The following WWOX variants were observed in gnomAD, a reference collection of about 807,000 sequenced individuals.
WWOX encodes the protein WW domain containing oxidoreductase, also known as WW domain-containing oxidoreductase.
Under a neutral mutation model 46.2 loss-of-function variants are expected in WWOX, and 69 were observed. That is an observed-to-expected ratio of 1.49 (90% CI 1.23 to 1.82). WWOX has a LOEUF of 1.82. Ranked by LOEUF, WWOX falls within the 40% of genes most tolerant of loss-of-function variation. The probability of loss-of-function intolerance (pLI) is 0.00; values close to 1 mark genes in which losing one functional copy is unlikely to be tolerated. For synonymous variants in WWOX, 359 were observed against 202.6 expected (o/e 1.77, Z -6.56); for missense variants, 919 against 542.6 (o/e 1.69, Z -6.89).
chr16:78,430,179 T>G (rs1210105021), intron 7 of WWOX, among the ~76,000 whole-genome samples: 1 of 152,078 alleles, frequency 6.6e-6, no homozygotes, highest in African/African-American at 2.4e-5. Flanking sequence ...GCAGGGGAAT[T>G]CTCATTTATA....
chr16:78,929,517 G>A (rs1368328931), intron 8 of WWOX, among the ~76,000 whole-genome samples: 1 of 152,078 alleles, frequency 6.6e-6, no homozygotes, highest in African/African-American at 2.4e-5. Context: ...CACCGTATCC[G>A]AGTGGGATCT....
intron 8 of WWOX, among the ~76,000 whole-genome samples, chr16:79,074,677 A>G (rs77406250): frequency 0.017 from 2,599 of 152,082 alleles, 26 homozygotes; most frequent in Non-Finnish European, 0.026. Context: ...AATCTGAGAT[A>G]TAGTAAGTTG....
chr16:78,637,574 C>A (rs1002937445), intron 8 of WWOX, among the ~76,000 whole-genome samples: 1 of 152,224 alleles, frequency 6.6e-6, no homozygotes, highest in African/African-American at 2.4e-5. Context: ...TTGGAACCTT[C>A]TACTACATCC....
At chr16:78,473,678 C>A (rs913578783) in intron 8 of WWOX, among the ~76,000 whole-genome samples, 1 of 152,034 alleles carries the variant, frequency 6.6e-6, no homozygotes. Context: ...TTGGAATTGT[C>A]TTAAACAAGT....
At chr16:78,656,761 A>T (rs2047090305) in intron 8 of WWOX, among the ~76,000 whole-genome samples, 1 of 152,156 alleles carries the variant, frequency 6.6e-6, no homozygotes. Flanking sequence ...TCTCCTTACA[A>T]GGGGTTCCTT....
At chr16:78,467,072 G>A (rs1045011439) in intron 8 of WWOX, among the ~76,000 whole-genome samples, 1 of 152,130 alleles carries the variant, frequency 6.6e-6, no homozygotes, top group East Asian at 1.9e-4. Context: ...GTGTTTGCCT[G>A]TGTTATTAAT....
At chr16:78,167,875 C>G (rs2035024486) in intron 5 of WWOX, 1 of 152,128 alleles carries the variant, frequency 6.6e-6, no homozygotes, top group South Asian at 2.1e-4. Context: ...CCTTCCTCAC[C>G]TCACATCTCT....
chr16:78,720,255 C>G (rs778741290), intron 8 of WWOX, among the ~76,000 whole-genome samples: 1 of 151,240 alleles, frequency 6.6e-6, no homozygotes, highest in African/African-American at 2.5e-5. Flanking sequence ...AGATTATGTG[C>G]GCGTGTGTGA....
At chr16:78,670,620 A>G (rs1316520114) in intron 8 of WWOX, among the ~76,000 whole-genome samples, 3 of 152,090 alleles carry the variant, frequency 2.0e-5, no homozygotes, top group African/African-American at 4.8e-5. Context: ...ATTCGTGTCT[A>G]TCTGGAACCT....
chr16:78,869,306 A>C (rs1165254923), intron 8 of WWOX, among the ~76,000 whole-genome samples: 1 of 152,146 alleles, frequency 6.6e-6, no homozygotes, highest in Non-Finnish European at 1.5e-5. Context: ...AAAGTCCGAG[A>C]GTTGGTTGTG....
rs116660464 is a variant in WWOX at position 78,706,402 on chromosome 16, G to A, written c.1056+273650G>A. Among the ~76,000 whole-genome samples, 579 of 152,130 alleles carry A rather than the reference G, an allele frequency of 3.8e-3. 2 individuals carry two copies. The highest frequency in any genetic ancestry group is 0.013 in the African/African-American group (555 of 41,514). ...GCCTTCTCCAGGAATCTCTCTGGGG[G>A]CATCCTGAGCCTTCCCGATTCCATT... On this transcript the variant is annotated intron_variant, in intron 8 of 8. Transcript: ENST00000566780.
At position 79,147,683 on chromosome 16, in the gene WWOX, G is replaced by T. The variant is rs151176510; in HGVS notation, c.1057-63925G>T. ...TAAGAAACTGTCAAGCTGTTTCCATGCTATTTTACATTTCCACCAGCATTT... is the reference window on the plus strand; with the variant it reads ...TAAGAAACTGTCAAGCTGTTTCCATTCTATTTTACATTTCCACCAGCATTT... On this transcript the variant is annotated intron_variant, in intron 8 of 8. Coordinates refer to ENST00000566780, the MANE Select transcript of WWOX (RefSeq NM_016373.4). Among the ~76,000 whole-genome samples, 3 of 152,284 alleles carry T rather than the reference G, an allele frequency of 2.0e-5. No homozygotes were observed. The East Asian group carries it at 5.8e-4, about 29-fold the overall frequency.
chr16:78,278,034 G>T (rs2079611189), intron 5 of WWOX, among the ~76,000 whole-genome samples: 1 of 152,126 alleles, frequency 6.6e-6, no homozygotes, highest in Non-Finnish European at 1.5e-5. Context: ...GGTGTGAGTG[G>T]GGGACAAAGC....
At chr16:79,173,401 C>G (rs186445029) in intron 8 of WWOX, among the ~76,000 whole-genome samples, 3 of 152,298 alleles carry the variant, frequency 2.0e-5, no homozygotes, top group South Asian at 2.1e-4. Context: ...CCACATGGGT[C>G]TCTTTCACAC....
intron 5 of WWOX, chr16:78,264,542 C>G (rs2079319300): frequency 6.6e-6 from 1 of 152,176 alleles, no homozygotes; most frequent in African/African-American, 2.4e-5. Context: ...CAGTGCTACT[C>G]TCAGCTGAAA....
intron 8 of WWOX, among the ~76,000 whole-genome samples, chr16:78,977,008 C>T (rs2046585768): frequency 6.6e-6 from 1 of 152,150 alleles, no homozygotes; most frequent in Admixed American, 6.5e-5. Context: ...ATAAGCTCAT[C>T]AGAGAGCTTT....
intron 8 of WWOX, among the ~76,000 whole-genome samples, chr16:78,712,996 G>T (rs72799073): frequency 6.6e-6 from 1 of 152,066 alleles, no homozygotes; most frequent in Non-Finnish European, 1.5e-5. Flanking sequence ...CAGGCCTGGT[G>T]TAGTGGCTCA....
chr16:79,126,882 G>A (rs915410457), intron 8 of WWOX, among the ~76,000 whole-genome samples: 2 of 152,152 alleles, frequency 1.3e-5, no homozygotes, highest in Admixed American at 6.5e-5. Flanking sequence ...TTTTGAGGAG[G>A]TAAATACAGC....
intron 8 of WWOX, chr16:78,780,578 C>T (rs1380695104): frequency 6.6e-6 from 1 of 152,094 alleles, no homozygotes; most frequent in Non-Finnish European, 1.5e-5. Context: ...TAAACTGGTC[C>T]TTGTGGAAGC....
Sources: allele counts gnomAD v4.1 joint callset (sites outside exome capture counted in the v4.1 genomes callset), GRCh38; gene constraint gnomAD v4.1.1; transcripts MANE v1.5; gene names NCBI Gene and HGNC (gene_info 2026-07-23, HGNC 2026-07-21).